KDM3B: variants seen among roughly 807,000 people sequenced by gnomAD.
KDM3B encodes lysine demethylase 3B.
A neutral mutation model predicts 170.0 loss-of-function variants in KDM3B; 10 were observed. That is an observed-to-expected ratio of 0.06 (90% CI 0.04 to 0.10). The LOEUF (loss-of-function observed/expected upper bound fraction) is 0.10, where lower values mean the gene tolerates loss of function less well. Ranked by LOEUF, KDM3B falls within the 10% of genes least tolerant of loss-of-function variation. KDM3B has a pLI of 1.00. For missense variants in KDM3B, 1,394 were observed against 2,195.2 expected (o/e 0.64, Z 7.29); for synonymous variants, 831 against 834.8 (o/e 1.00, Z 0.08).
At chr5:138,422,188 A>G (rs1763289068) in intron 15 of KDM3B, among the ~76,000 whole-genome samples, 1 of 151,972 alleles carries the variant, frequency 6.6e-6, no homozygotes, top group South Asian at 2.1e-4. Flanking sequence ...ACTCATTACC[A>G]TCTGACCTAT....
At chr5:138,390,649 A>T (rs769095425) in intron 7 of KDM3B, among the ~76,000 whole-genome samples, 10 of 152,192 alleles carry the variant, frequency 6.6e-5, no homozygotes, top group African/African-American at 1.4e-4. Flanking sequence ...GCTGATGTCT[A>T]TTCAGGAACC....
At chr5:138,392,485 TC>T (rs1762460218) in intron 8 of KDM3B, among the ~76,000 whole-genome samples, 1 of 152,082 alleles carries the variant, frequency 6.6e-6, no homozygotes, top group South Asian at 2.1e-4. Flanking sequence ...ATAATGATAA[TC>T]CCCCAAAGGA....
At position 138,430,278 on chromosome 5, in the gene KDM3B, C is replaced by A; in HGVS notation, c.4923C>A (p.Pro1641=). The A allele has an allele frequency of 6.2e-7, 1 of 1,614,168 alleles. No homozygotes were observed. Residue 1641 remains proline (P), a synonymous_variant, in exon 22 of 24, where the codon CCC becomes CCA. Transcript: ENST00000314358. Reference sequence around the variant, plus strand: ...GAGAAGAACAAGGCCAAGAGAACCCCCCTGATCATGACCCAATTCATGACC... The same window carrying A: ...GAGAAGAACAAGGCCAAGAGAACCCACCTGATCATGACCCAATTCATGACC... The part of the protein sequence containing the change: ...KVGEEQGQEN[P]PDHDPIHDQS...
intron 10 of KDM3B, among the ~76,000 whole-genome samples, chr5:138,399,431 G>C (rs897099192): frequency 1.3e-4 from 20 of 151,686 alleles, no homozygotes; most frequent in Non-Finnish European, 2.6e-4. Flanking sequence ...CCAGCTACTC[G>C]GGAGGCTGAG....
At chr5:138,433,932 G>A (rs1763604649) in intron 23 of KDM3B, among the ~76,000 whole-genome samples, 1 of 151,562 alleles carries the variant, frequency 6.6e-6, no homozygotes, top group Non-Finnish European at 1.5e-5. Context: ...TAGAGACAGG[G>A]TTTCACCATG....
intron 9 of KDM3B, among the ~76,000 whole-genome samples, chr5:138,394,392 A>G (rs1317111882): frequency 1.3e-5 from 2 of 152,206 alleles, no homozygotes; most frequent in South Asian, 2.1e-4. Context: ...AGAAAAAATA[A>G]TAAGTGATAT....
intron 17 of KDM3B, 137 bp from the exon 18 acceptor site, chr5:138,426,837 CG>C: frequency 1.6e-6 from 1 of 622,396 alleles, no homozygotes; most frequent in South Asian, 1.9e-5. Context: ...CACTGCAGCC[CG>C]GGTGACAGAG....
chr5:138,406,909 T>G (rs1425947697), intron 11 of KDM3B, among the ~76,000 whole-genome samples: 3 of 151,358 alleles, frequency 2.0e-5, no homozygotes, highest in Non-Finnish European at 4.4e-5. Context: ...AAAAAAAGAA[T>G]GTGAGGACCT....
intron 2 of KDM3B, among the ~76,000 whole-genome samples, chr5:138,374,675 T>G (rs1761953515): frequency 1.3e-5 from 2 of 152,252 alleles, no homozygotes; most frequent in Non-Finnish European, 2.9e-5. Context: ...GAAATGGTAA[T>G]ATGAATTAAC....
At chr5:138,406,123 T>C (rs1243722138) in intron 11 of KDM3B, among the ~76,000 whole-genome samples, 2 of 152,138 alleles carry the variant, frequency 1.3e-5, no homozygotes, top group African/African-American at 2.4e-5. Context: ...AAGATGGGGA[T>C]TACTTGAGGC....
chr5:138,412,445 G>C (rs996042467), intron 11 of KDM3B, among the ~76,000 whole-genome samples: 1 of 152,022 alleles, frequency 6.6e-6, no homozygotes, highest in African/African-American at 2.4e-5. Context: ...CTTGAGCCCA[G>C]GAGTTCAAGA....
At chr5:138,381,250 GA>G (rs1347557213) in intron 5 of KDM3B, among the ~76,000 whole-genome samples, 1 of 152,168 alleles carries the variant, frequency 6.6e-6, no homozygotes, top group East Asian at 1.9e-4. Flanking sequence ...CAGTTTTAGA[GA>G]TACAGGATTC....
intron 11 of KDM3B, among the ~76,000 whole-genome samples, chr5:138,403,560 C>T (rs984012553): frequency 2.6e-5 from 4 of 151,840 alleles, no homozygotes; most frequent in African/African-American, 9.7e-5. Flanking sequence ...GCCTGTAATC[C>T]CAGCTACTCG....
chr5:138,366,157 T>C (rs1761740830), intron 1 of KDM3B, among the ~76,000 whole-genome samples: 2 of 152,260 alleles, frequency 1.3e-5, no homozygotes, highest in East Asian at 1.9e-4. Context: ...TCAGTCATCT[T>C]TCCACATTAG....
chr5:138,359,239 G>A (rs1456163031), intron 1 of KDM3B, among the ~76,000 whole-genome samples: 1 of 151,506 alleles, frequency 6.6e-6, no homozygotes, highest in African/African-American at 2.4e-5. Flanking sequence ...TTGGCTCACT[G>A]CAACCTCCAC....
intron 1 of KDM3B, among the ~76,000 whole-genome samples, chr5:138,365,801 C>A (rs907700048): frequency 6.6e-6 from 1 of 151,896 alleles, no homozygotes; most frequent in South Asian, 2.1e-4. Flanking sequence ...GAGTTCAAGA[C>A]CAGCCTGGCC....
chr5:138,420,871 G>A lies in KDM3B; in HGVS notation c.3881G>A (p.Arg1294Gln), dbSNP rs1455870622. The A allele has an allele frequency of 1.2e-6, 2 of 1,614,034 alleles. No homozygotes were observed. The highest frequency in any genetic ancestry group is 1.7e-5 in the Admixed American group (1 of 60,002). ...SNNKTEGSSL[R>Q]DLLHSGPGKL... ...AACAAAACCGAAGGGTCTAGCCTTC[G>A]AGACCTCCTTCACTCCGGGCCGGGA... Residue 1294 changes from arginine (R) to glutamine (Q), a missense_variant, in exon 15 of 24, where the codon CGA becomes CAA. Around this residue, in one of 19 missense-constraint regions of KDM3B, gnomAD observed 137 missense variants for 166.9 expected, o/e 0.82. Coordinates refer to ENST00000314358, the MANE Select transcript of KDM3B (RefSeq NM_016604.4).
At chr5:138,353,696 C>T (rs1451062912) in intron 1 of KDM3B, among the ~76,000 whole-genome samples, 1 of 152,132 alleles carries the variant, frequency 6.6e-6, no homozygotes, top group Non-Finnish European at 1.5e-5. Flanking sequence ...TTTTTGCTCC[C>T]AGCTCAGCTA....
intron 2 of KDM3B, 101 bp downstream of exon 2, chr5:138,372,942 T>G: frequency 9.8e-7 from 1 of 1,022,314 alleles, no homozygotes; most frequent in Non-Finnish European, 1.3e-6. Context: ...ACATACTTTG[T>G]CCTTAACGTA....
Sources: allele counts gnomAD v4.1 joint callset (sites outside exome capture counted in the v4.1 genomes callset), GRCh38; gene constraint gnomAD v4.1.1; regional missense constraint gnomAD v4.1.1; transcripts MANE v1.5; gene names NCBI Gene and HGNC (gene_info 2026-07-23, HGNC 2026-07-21).